C6: variants seen among roughly 807,000 people sequenced by gnomAD.
C6 encodes complement component C6.
In C6, 101 loss-of-function variants were observed where a neutral mutation model predicts 112.9. The observed-to-expected ratio is 0.89, with a 90% CI of 0.76 to 1.06. The LOEUF is 1.06. C6 is among the 50% of genes least tolerant of loss of function. The pLI is 0.00. For missense variants in C6, 1,202 were observed against 1,104.6 expected (o/e 1.09, Z -1.25); for synonymous variants, 431 against 384.1 (o/e 1.12, Z -1.43).
intron 7 of C6, among the ~76,000 whole-genome samples, chr5:41,180,193 C>T (rs192821432): frequency 3.3e-5 from 5 of 152,158 alleles, no homozygotes; most frequent in South Asian, 4.1e-4. Flanking sequence ...AAGAGCAATA[C>T]GATAAAAGTA....
chr5:41,240,811 G>A (rs1033600289), intron 1 of C6, among the ~76,000 whole-genome samples: 2 of 152,116 alleles, frequency 1.3e-5, no homozygotes, highest in African/African-American at 2.4e-5. Context: ...GTGGCTAGAT[G>A]GGGAATACCA....
chr5:41,240,858 G>C (rs1369388063), intron 1 of C6, among the ~76,000 whole-genome samples: 1 of 152,166 alleles, frequency 6.6e-6, no homozygotes, highest in Non-Finnish European at 1.5e-5. Context: ...CCCCTCCATA[G>C]TGTGCATGGG....
chr5:41,218,656 G>GC (rs1233181161), intron 1 of C6, among the ~76,000 whole-genome samples: 4 of 152,034 alleles, frequency 2.6e-5, no homozygotes, highest in African/African-American at 4.8e-5. Flanking sequence ...TCATGATTCT[G>GC]CCCCTTGGAC....
At chr5:41,230,625 A>G (rs2150412851) in intron 1 of C6, among the ~76,000 whole-genome samples, 1 of 152,166 alleles carries the variant, frequency 6.6e-6, no homozygotes, top group African/African-American at 2.4e-5. Context: ...AGTAATTCTA[A>G]TTTTGCCTTT....
At chr5:41,227,045 A>G (rs1419923298) in intron 1 of C6, among the ~76,000 whole-genome samples, 1 of 152,128 alleles carries the variant, frequency 6.6e-6, no homozygotes, top group Non-Finnish European at 1.5e-5. Context: ...GTTTTCTATA[A>G]TGTCTGTACA....
At chr5:41,187,563 A>G (rs1311880058) in intron 5 of C6, among the ~76,000 whole-genome samples, 1 of 152,158 alleles carries the variant, frequency 6.6e-6, no homozygotes, top group Non-Finnish European at 1.5e-5. Context: ...ATATTTTTCT[A>G]TCAAAGAGGA....
intron 1 of C6, among the ~76,000 whole-genome samples, chr5:41,260,907 T>A (rs1249850318): frequency 6.6e-6 from 1 of 152,100 alleles, no homozygotes; most frequent in Non-Finnish European, 1.5e-5. Flanking sequence ...CATGAACAAG[T>A]TAGATTTGAC....
chr5:41,164,173 C>A (rs374900627), intron 9 of C6, among the ~76,000 whole-genome samples: 1 of 151,916 alleles, frequency 6.6e-6, no homozygotes, highest in African/African-American at 2.4e-5. Flanking sequence ...ATTAAAAAGA[C>A]CAATAAAATA....
intron 1 of C6, among the ~76,000 whole-genome samples, chr5:41,231,028 C>G (rs1019167385): frequency 1.1e-4 from 17 of 152,108 alleles, no homozygotes; most frequent in African/African-American, 3.4e-4. Flanking sequence ...CTTTTGTTTA[C>G]TATTTGCATG....
chr5:41,199,814 G>A lies in C6; in HGVS notation c.399C>T (p.Cys133=). The change falls in exon 4 of 18, where the codon TGC becomes TGT. Residue 133 remains cysteine, a synonymous_variant. Transcript: ENST00000337836. ...TCTTGCAGTCAGCCTCTTCAATTTT[G>A]CAGAGCTTAGATGGAATGCATGGTT... The part of the protein sequence containing the change: ...AFQPCIPSKL[C]KIEEADCKNK... The A allele has an allele frequency of 6.2e-7, 1 of 1,613,756 alleles. No individual in the cohort carries two copies. Among genetic ancestry groups the A allele is most frequent in the South Asian group, 1.1e-5 (1 of 91,068 alleles).
intron 1 of C6, among the ~76,000 whole-genome samples, chr5:41,227,198 T>G (rs1739568494): frequency 6.6e-6 from 1 of 152,192 alleles, no homozygotes; most frequent in African/African-American, 2.4e-5. Context: ...TGTATTTCCC[T>G]AATGATTAGT....
At chr5:41,211,787 A>G (rs1295394260) in intron 1 of C6, among the ~76,000 whole-genome samples, 1 of 152,184 alleles carries the variant, frequency 6.6e-6, no homozygotes, top group African/African-American at 2.4e-5. Context: ...TATTTCCTCA[A>G]TTGTAGAGAA....
At chr5:41,219,025 A>G (rs1739005890) in intron 1 of C6, among the ~76,000 whole-genome samples, 1 of 152,204 alleles carries the variant, frequency 6.6e-6, no homozygotes, top group African/African-American at 2.4e-5. Context: ...ATTTTCAAAC[A>G]ATTGCAAACA....
chr5:41,158,905 C>T, intron 12 of C6, 120 bp from the exon 13 acceptor site: 3 of 1,009,032 alleles, frequency 3.0e-6, no homozygotes, highest in South Asian at 2.6e-5. Flanking sequence ...AAATAGAAAA[C>T]ATTACACACA....
intron 1 of C6, among the ~76,000 whole-genome samples, chr5:41,242,442 A>G (rs1226285095): frequency 6.6e-6 from 1 of 152,102 alleles, no homozygotes; most frequent in East Asian, 1.9e-4. Context: ...AGTCAATTAA[A>G]CCTCTTTCCT....
chr5:41,252,487 C>A (rs921734339), intron 1 of C6, among the ~76,000 whole-genome samples: 11 of 152,116 alleles, frequency 7.2e-5, no homozygotes, highest in African/African-American at 2.7e-4. Context: ...AGTGAGATAC[C>A]CAACTCCAAC....
At chr5:41,194,273 C>A (rs576379786) in intron 5 of C6, among the ~76,000 whole-genome samples, 1 of 152,078 alleles carries the variant, frequency 6.6e-6, no homozygotes, top group African/African-American at 2.4e-5. Flanking sequence ...ATTCTTAGGA[C>A]AGAACATCAC....
At position 41,245,679 on chromosome 5, in the gene C6, T is replaced by C. The variant is rs1740980609; in HGVS notation, c.-21+15515A>G. Among the ~76,000 whole-genome samples, 3 of 152,204 alleles carry C rather than the reference T, an allele frequency of 2.0e-5. No individual in the cohort carries two copies. In the South Asian group the frequency reaches 6.2e-4, roughly 32 times the overall value. On this transcript the variant is annotated intron_variant, in intron 1 of 17. Coordinates refer to the C6 transcript ENST00000263413. ...CTATCAAATGCTTTTCCTTCATCAGTTGAGATAATCGTATTATTGTCTCTT... is the reference window on the plus strand; with the variant it reads ...CTATCAAATGCTTTTCCTTCATCAGCTGAGATAATCGTATTATTGTCTCTT...
At chr5:41,209,064 A>G (rs1192061377) in intron 1 of C6, among the ~76,000 whole-genome samples, 1 of 152,236 alleles carries the variant, frequency 6.6e-6, no homozygotes, top group Non-Finnish European at 1.5e-5. Context: ...AGTCTGTTTA[A>G]CTTACCCAAA....
Sources: gnomAD v4.1 joint callset for allele counts (sites outside exome capture counted in the v4.1 genomes callset) on GRCh38, gnomAD v4.1.1 for gene constraint, MANE v1.5 for transcripts, NCBI Gene and HGNC (gene_info 2026-07-23, HGNC 2026-07-21) for gene names.